SCN3A: variants seen among roughly 807,000 people sequenced by gnomAD.
SCN3A encodes sodium voltage-gated channel alpha subunit 3, also known as sodium channel protein type 3 subunit alpha.
SCN3A carries 60 observed loss-of-function variants against 187.6 expected under a neutral mutation model. The observed-to-expected ratio is 0.32, with a 90% CI of 0.26 to 0.40. The LOEUF is 0.40. Ranked by LOEUF, SCN3A falls within the 10% of genes least tolerant of loss-of-function variation. The probability of loss-of-function intolerance (pLI) is 1.00; values close to 1 mark genes in which losing one functional copy is unlikely to be tolerated. For synonymous variants in SCN3A, 788 were observed against 829.2 expected, an observed-to-expected ratio of 0.95 and a Z score of 0.85; for missense variants, 1,601 against 2,428.2, an observed-to-expected ratio of 0.66 and a Z score of 7.16.
intron 21 of SCN3A, among the ~76,000 whole-genome samples, chr2:165,110,875 G>A (rs1348816159): frequency 2.0e-5 from 3 of 152,272 alleles, no homozygotes; most frequent in African/African-American, 7.2e-5. Context: ...AAATGTCTGT[G>A]TTAGGTGTAC....
At chr2:165,193,245 G>T (rs1056392480) in intron 1 of SCN3A, among the ~76,000 whole-genome samples, 1 of 151,972 alleles carries the variant, frequency 6.6e-6, no homozygotes, top group African/African-American at 2.4e-5. Flanking sequence ...CATGGGGGAG[G>T]GGGCTGTCTC....
intron 1 of SCN3A, among the ~76,000 whole-genome samples, chr2:165,192,348 A>G (rs1010887715): frequency 6.6e-6 from 1 of 152,186 alleles, no homozygotes; most frequent in Non-Finnish European, 1.5e-5. Context: ...AGTAAGAATG[A>G]TAATAGAGAA....
At chr2:165,155,590 G>T (rs995507431) in intron 10 of SCN3A, among the ~76,000 whole-genome samples, 172 bp downstream of exon 10, 8 of 152,146 alleles carry the variant, frequency 5.3e-5, no homozygotes, top group Non-Finnish European at 1.0e-4. Context: ...GTAGAGATGG[G>T]GTTTTGCCAT....
intron 15 of SCN3A, among the ~76,000 whole-genome samples, chr2:165,132,444 T>G (rs979642420): frequency 1.3e-5 from 2 of 152,124 alleles, no homozygotes; most frequent in Admixed American, 1.3e-4. Context: ...TATAGATCAA[T>G]GGAACAGAAC....
chr2:165,170,302 A>G (rs1005468784), intron 4 of SCN3A, 128 bp downstream of exon 4: 1 of 659,854 alleles, frequency 1.5e-6, no homozygotes, highest in East Asian at 2.7e-5. Context: ...ATGCAAATAA[A>G]TGAATTAAAC....
At position 165,113,941 on chromosome 2, in the gene SCN3A, C is replaced by T; in HGVS notation, c.3544G>A (p.Val1182Ile). 2 of 1,608,768 alleles carry T rather than the reference C, an allele frequency of 1.2e-6. No homozygotes were observed. The highest frequency in any genetic ancestry group is 1.3e-5 in the African/African-American group (1 of 74,902). The part of the protein sequence containing the change: ...GCIKKFPFCQ[V>I]STEEGKGKIW... ...TTCCCTTTGCCTTCTTCTGTACTTA[C>T]TTGACAGAATGGAAACTTTTTAATA... The change falls in exon 20 of 28, where the codon GTA becomes ATA. Residue 1182 changes from valine (V) to isoleucine (I), a missense_variant. Physicochemically the swap from Val to Ile is conservative, Grantham distance 29. Around this residue, in one of 11 missense-constraint regions of SCN3A, gnomAD observed 267 missense variants for 313.2 expected, o/e 0.85. Coordinates refer to ENST00000283254, the MANE Select transcript of SCN3A (RefSeq NM_006922.4).
intron 17 of SCN3A, 98 bp downstream of exon 17, chr2:165,129,842 C>T: frequency 6.8e-7 from 1 of 1,471,370 alleles, no homozygotes; most frequent in East Asian, 2.3e-5. Context: ...GTCTAGGCCA[C>T]TTACTATAAA....
At chr2:165,149,496 A>G (rs974447531) in intron 11 of SCN3A, among the ~76,000 whole-genome samples, 1 of 152,174 alleles carries the variant, frequency 6.6e-6, no homozygotes, top group Non-Finnish European at 1.5e-5. Flanking sequence ...TTTGCATAAG[A>G]CATTATTTCC....
chr2:165,167,876 G>A (rs923609701), intron 5 of SCN3A, among the ~76,000 whole-genome samples: 1 of 152,030 alleles, frequency 6.6e-6, no homozygotes, highest in Non-Finnish European at 1.5e-5. Flanking sequence ...CAAGGGCCTG[G>A]TTTAACATCC....
chr2:165,138,576 A>G (rs953472329), intron 14 of SCN3A, among the ~76,000 whole-genome samples: 9 of 152,174 alleles, frequency 5.9e-5, no homozygotes, highest in Admixed American at 2.0e-4. Flanking sequence ...TATCAACATT[A>G]ATCTTGCACA....
chr2:165,164,037 C>T, intron 6 of SCN3A: 1 of 801,480 alleles, frequency 1.2e-6, no homozygotes, highest in Non-Finnish European at 2.0e-6. Context: ...CTAAAGGTTG[C>T]TTTTAAGAAA....
chr2:165,106,769 G>T (rs949079244), intron 21 of SCN3A, among the ~76,000 whole-genome samples: 23 of 152,318 alleles, frequency 1.5e-4, no homozygotes, highest in African/African-American at 5.1e-4. Flanking sequence ...AATGCTGGCT[G>T]ATGAATTGCA....
At chr2:165,178,711 T>G (rs1290133121) in intron 2 of SCN3A, among the ~76,000 whole-genome samples, 1 of 152,194 alleles carries the variant, frequency 6.6e-6, no homozygotes, top group Non-Finnish European at 1.5e-5. Context: ...TTCTGTTTTA[T>G]AGTTGGGCAG....
At chr2:165,120,185 G>A (rs868846948) in intron 18 of SCN3A, among the ~76,000 whole-genome samples, 1 of 151,910 alleles carries the variant, frequency 6.6e-6, no homozygotes, top group Non-Finnish European at 1.5e-5. Context: ...TGTGGAAGCC[G>A]CACGCTGATC....
At position 165,137,897 on chromosome 2, in the gene SCN3A, C is replaced by T. The variant is rs1442437506; in HGVS notation, c.2373G>A (p.Val791=). ...HYPMTEQFSS[V]LTVGNLVFTG... ...TACTTACCAGGTTTCCTACAGTCAACACACTACTGAATTGCTCAGTCATGG... is the reference window on the plus strand; with the variant it reads ...TACTTACCAGGTTTCCTACAGTCAATACACTACTGAATTGCTCAGTCATGG... The change falls in exon 15 of 28, where the codon GTG becomes GTA. Residue 791 remains valine, a synonymous_variant. Transcript: ENST00000283254. The T allele has an allele frequency of 1.2e-6, 2 of 1,612,344 alleles. No homozygotes were observed. The highest frequency in any genetic ancestry group is 1.7e-6 in the Non-Finnish European group (2 of 1,178,552).
At chr2:165,177,877 A>G (rs1382945986) in intron 2 of SCN3A, among the ~76,000 whole-genome samples, 1 of 152,224 alleles carries the variant, frequency 6.6e-6, no homozygotes, top group African/African-American at 2.4e-5. Context: ...AAACAATGAC[A>G]AACCAAATAA....
At chr2:165,156,289 A>G (rs974865575) in intron 9 of SCN3A, among the ~76,000 whole-genome samples, 20 of 151,720 alleles carry the variant, frequency 1.3e-4, no homozygotes, top group Non-Finnish European at 2.2e-4. Context: ...GGCGGATCAT[A>G]AGGTCAGGAG....
At position 165,176,340 on chromosome 2, in the gene SCN3A, T is replaced by C. The variant is rs765781930; in HGVS notation, c.55A>G (p.Arg19Gly). The C allele has an allele frequency of 5.0e-6, 8 of 1,613,998 alleles. No individual in the cohort carries two copies. The highest frequency in any genetic ancestry group is 6.8e-6 in the Non-Finnish European group (8 of 1,179,996). ...TTTTCGATAGCAGCAAGAGATTCTC[T>C]AGTAAAAAGGCGGAAGCTTTCAGGT... ...PGPESFRLFT[R>G]ESLAAIEKRA... The change falls in exon 3 of 28, where the codon AGA (arginine) becomes GGA (glycine). Residue 19 changes from arginine (R) to glycine (G), a missense_variant. Coordinates refer to ENST00000283254, the MANE Select transcript of SCN3A (RefSeq NM_006922.4).
chr2:165,153,180 A>G (rs1183164619), intron 11 of SCN3A, among the ~76,000 whole-genome samples: 1 of 152,140 alleles, frequency 6.6e-6, no homozygotes, highest in East Asian at 1.9e-4. Flanking sequence ...ACAAAAGTTC[A>G]AAGGCAATGC....
Sources: allele counts gnomAD v4.1 joint callset (sites outside exome capture counted in the v4.1 genomes callset), GRCh38; gene constraint gnomAD v4.1.1; regional missense constraint gnomAD v4.1.1; transcripts MANE v1.5; gene names NCBI Gene and HGNC (gene_info 2026-07-23, HGNC 2026-07-21).